ASIC2: variants seen among roughly 807,000 people sequenced by gnomAD.
ASIC2 encodes the protein acid sensing ion channel subunit 2.
Under a neutral mutation model 57.3 loss-of-function variants are expected in ASIC2, and 25 were observed. The ratio of observed to expected loss-of-function variants is 0.44; its 90% CI spans 0.32 to 0.61. ASIC2 has a LOEUF of 0.61. Ranked by LOEUF, ASIC2 falls within the 20% of genes least tolerant of loss-of-function variation. The pLI is 0.06. For synonymous variants in ASIC2, 319 were observed against 307.5 expected (o/e 1.04, Z -0.39); for missense variants, 641 against 738.1 (o/e 0.87, Z 1.52).
At chr17:33,879,951 T>C (rs1211803785) in intron 1 of ASIC2, among the ~76,000 whole-genome samples, 1 of 152,116 alleles carries the variant, frequency 6.6e-6, no homozygotes, top group East Asian at 1.9e-4. Flanking sequence ...ATTAAGAAAC[T>C]CACTCAAAAC....
In ASIC2 at chr17:33,126,670, C is replaced by T. The variant is rs542937910; in HGVS notation, c.709-14603G>A. Among the ~76,000 whole-genome samples, 158 of 152,088 alleles carry T rather than the reference C, an allele frequency of 1.0e-3. 1 individual carries two copies. The highest frequency in any genetic ancestry group is 3.6e-3 in the African/African-American group (151 of 41,514). On this transcript the variant is annotated intron_variant, in intron 1 of 9. Coordinates refer to ENST00000225823, the MANE Select transcript of ASIC2 (RefSeq NM_183377.2). Reference sequence around the variant, plus strand: ...ATGTGGTGGTGTGCACCAGTAGTCCCAGCTACTTAGGAGGCTGAGGCAGGA... The same window carrying T: ...ATGTGGTGGTGTGCACCAGTAGTCCTAGCTACTTAGGAGGCTGAGGCAGGA...
chr17:33,997,331 T>TTA (rs1906195795), intron 1 of ASIC2, among the ~76,000 whole-genome samples: 1 of 124,560 alleles, frequency 8.0e-6, no homozygotes, highest in East Asian at 2.3e-4. Context: ...TTTTTTTTTT[T>TTA]TTTGTAAAGA....
chr17:33,329,030 T>C (rs1435466204), intron 1 of ASIC2, among the ~76,000 whole-genome samples: 1 of 152,164 alleles, frequency 6.6e-6, no homozygotes, highest in East Asian at 1.9e-4. Flanking sequence ...GCCTTCCTTA[T>C]TTAAGAATAC....
At chr17:33,283,462 G>A (rs1434141586) in intron 1 of ASIC2, among the ~76,000 whole-genome samples, 6 of 152,190 alleles carry the variant, frequency 3.9e-5, no homozygotes, top group Non-Finnish European at 2.9e-5. Flanking sequence ...TTTGAGAAGC[G>A]TAGCCCCCTT....
chr17:33,438,036 T>G (rs1911689157), intron 1 of ASIC2, among the ~76,000 whole-genome samples: 1 of 152,186 alleles, frequency 6.6e-6, no homozygotes, highest in Non-Finnish European at 1.5e-5. Context: ...ACATTTCTAT[T>G]TTATTTCTAA....
intron 1 of ASIC2, among the ~76,000 whole-genome samples, chr17:33,992,715 A>G (rs1431542070): frequency 1.3e-5 from 2 of 152,146 alleles, no homozygotes; most frequent in African/African-American, 4.8e-5. Context: ...AACACTACAA[A>G]TCAGGATTTG....
At chr17:33,485,194 A>G (rs1913537640) in intron 1 of ASIC2, among the ~76,000 whole-genome samples, 1 of 152,264 alleles carries the variant, frequency 6.6e-6, no homozygotes, top group Non-Finnish European at 1.5e-5. Flanking sequence ...GGCTCCTAAG[A>G]GTTCATCATC....
intron 1 of ASIC2, among the ~76,000 whole-genome samples, chr17:33,744,208 C>T (rs1023651731): frequency 3.9e-5 from 6 of 152,232 alleles, no homozygotes; most frequent in Non-Finnish European, 7.3e-5. Flanking sequence ...TGCTAAGAAA[C>T]ACCCTGCTAG....
At chr17:33,033,648 G>A (rs1016397684) in intron 3 of ASIC2, among the ~76,000 whole-genome samples, 3 of 152,216 alleles carry the variant, frequency 2.0e-5, no homozygotes, top group Admixed American at 2.0e-4. Flanking sequence ...GAGCAGGGTT[G>A]GGGCCATGAA....
At chr17:33,883,347 G>T (rs915571811) in intron 1 of ASIC2, among the ~76,000 whole-genome samples, 3 of 152,210 alleles carry the variant, frequency 2.0e-5, no homozygotes, top group African/African-American at 7.2e-5. Context: ...TGCAGATTTT[G>T]CTTCTAGCAC....
intron 1 of ASIC2, among the ~76,000 whole-genome samples, chr17:33,224,185 G>A (rs976293811): frequency 6.6e-6 from 1 of 152,138 alleles, no homozygotes; most frequent in African/African-American, 2.4e-5. Context: ...AAAACCAATG[G>A]GGCTGTGTTA....
intron 1 of ASIC2, chr17:33,626,955 C>G (rs1906004736): frequency 1.3e-5 from 2 of 152,270 alleles, no homozygotes; most frequent in African/African-American, 4.8e-5. Flanking sequence ...GCTTTGTGCA[C>G]TGGGCCCTTC....
At chr17:33,902,383 C>T (rs912675884) in intron 1 of ASIC2, among the ~76,000 whole-genome samples, 1 of 152,082 alleles carries the variant, frequency 6.6e-6, no homozygotes, top group African/African-American at 2.4e-5. Context: ...TCCCAGTTTA[C>T]ACTAAAATAG....
chr17:33,308,920 C>A (rs1027578661), intron 1 of ASIC2, among the ~76,000 whole-genome samples: 4 of 152,174 alleles, frequency 2.6e-5, no homozygotes, highest in African/African-American at 9.6e-5. Flanking sequence ...AGGGTTTGAA[C>A]TGGCTACCAT....
At chr17:33,576,577 G>A (rs376242159) in intron 1 of ASIC2, among the ~76,000 whole-genome samples, 20 of 152,264 alleles carry the variant, frequency 1.3e-4, no homozygotes, top group Admixed American at 5.2e-4. Context: ...GGCTTACAGC[G>A]CCCAATGTCC....
At chr17:33,706,655 G>A (rs992911904) in intron 1 of ASIC2, among the ~76,000 whole-genome samples, 1 of 152,080 alleles carries the variant, frequency 6.6e-6, no homozygotes, top group Non-Finnish European at 1.5e-5. Context: ...ATTGCCTCAA[G>A]TTTTTCTTTG....
At chr17:33,433,637 C>T (rs2141979879) in intron 1 of ASIC2, among the ~76,000 whole-genome samples, 1 of 152,218 alleles carries the variant, frequency 6.6e-6, no homozygotes, top group Admixed American at 6.5e-5. Flanking sequence ...GTAGTCCCAG[C>T]TACTTGGGAG....
At chr17:33,018,981 G>A (rs1425754970) in intron 7 of ASIC2, among the ~76,000 whole-genome samples, 1 of 152,184 alleles carries the variant, frequency 6.6e-6, no homozygotes, top group African/African-American at 2.4e-5. Flanking sequence ...GTGAACAACA[G>A]AGATGGTGGG....
chr17:33,667,967 G>A (rs1324395633), intron 1 of ASIC2, among the ~76,000 whole-genome samples: 2 of 152,192 alleles, frequency 1.3e-5, no homozygotes, highest in African/African-American at 2.4e-5. Flanking sequence ...CAAAACAAGT[G>A]CAGACTGGAG....
Sources: allele counts gnomAD v4.1 joint callset (sites outside exome capture counted in the v4.1 genomes callset), GRCh38; gene constraint gnomAD v4.1.1; transcripts MANE v1.5; gene names NCBI Gene and HGNC (gene_info 2026-07-23, HGNC 2026-07-21).